Variants in IL11 observed in about 807,000 individuals in gnomAD.
IL11 encodes the protein interleukin 11, also known as interleukin-11.
A neutral mutation model predicts 18.1 loss-of-function variants in IL11; 17 were observed. The observed-to-expected ratio is 0.94, with a 90% CI of 0.64 to 1.41. The LOEUF (loss-of-function observed/expected upper bound fraction) is 1.41. Ranked by LOEUF, IL11 falls within the 40% of genes most tolerant of loss-of-function variation. The probability of loss-of-function intolerance (pLI) is 0.00; values close to 1 mark genes in which losing one functional copy is unlikely to be tolerated. For synonymous variants in IL11, 144 were observed against 134.1 expected (o/e 1.07, Z -0.51); for missense variants, 309 against 262.8 (o/e 1.18, Z -1.22).
chr19:55,369,117 T>C lies in IL11; in HGVS notation c.8-176A>G. Reference sequence around the variant, plus strand: ...AGGTCTGAGGGAGGAAGGCCTGGGGTCTGGACTCCTGGGTCTCGGGGAGGA... The same window carrying C: ...AGGTCTGAGGGAGGAAGGCCTGGGGCCTGGACTCCTGGGTCTCGGGGAGGA... On this transcript the variant is annotated intron_variant, in intron 1 of 4. Transcript: ENST00000264563. This position sits in a 1 kb window ranked among gnomAD's most constrained non-coding sequence, Gnocchi z 6.1. 2.0e-6 allele frequency: 1 copy of C among 506,630 alleles called. No homozygotes were observed. Among genetic ancestry groups the C allele is most frequent in the East Asian group, 3.3e-5 (1 of 30,304 alleles). 31.4% of individuals were successfully genotyped at this position (506,630 alleles called of 1,614,324 possible). A position where few individuals can be genotyped will look rare whatever the true frequency, so the allele number is the denominator to read the frequency against.
In IL11 at chr19:55,366,174, A is replaced by T. The variant is rs901956545; in HGVS notation, c.433T>A (p.Ser145Thr). The change falls in exon 5 of 5, where the codon TCC (serine) becomes ACC (threonine). Residue 145 changes from serine (S) to threonine (T), a missense_variant. Transcript: ENST00000264563. This position sits in a 1 kb window ranked among gnomAD's most constrained non-coding sequence, Gnocchi z 4.6. ...RLLRRLQLLMSRLALPQPPPD... is the reference protein window; with the variant it reads ...RLLRRLQLLMTRLALPQPPPD... ...GGTGGCTGGGGCAGGGCCAGGCGGGACATCTGTGGGGAGAGGAGAGAGGTG... is the reference window on the plus strand; with the variant it reads ...GGTGGCTGGGGCAGGGCCAGGCGGGTCATCTGTGGGGAGAGGAGAGAGGTG... 1.3e-6 allele frequency: 2 copies of T among 1,489,126 alleles called. No individual in the cohort carries two copies. Among genetic ancestry groups the T allele is most frequent in the African/African-American group, 2.8e-5 (2 of 70,216 alleles). The allele number at this position is 1,489,126 out of a possible 1,614,324, so 92.2% of individuals were successfully genotyped here.
rs2123239367 is a variant in IL11, at chr19:55,366,458, G to C, written c.430-281C>G. ...TAGGTGAGGGATCGGGCCTGGGACTGTTAGAGTCGCCGGGGCTGGAATCTC... is the reference window on the plus strand; with the variant it reads ...TAGGTGAGGGATCGGGCCTGGGACTCTTAGAGTCGCCGGGGCTGGAATCTC... On this transcript the variant is annotated intron_variant, in intron 4 of 4. Coordinates refer to ENST00000264563, the MANE Select transcript of IL11 (RefSeq NM_000641.4). This position sits in a 1 kb window ranked among gnomAD's most constrained non-coding sequence, Gnocchi z 4.6. Among the ~76,000 whole-genome samples the C allele has an allele frequency of 6.6e-6, 1 of 152,142 alleles. No homozygotes were observed. The highest frequency in any genetic ancestry group is 2.1e-4 in the South Asian group (1 of 4,816).
chr19:55,367,450 CTTTTTT>C (rs980514763), intron 4 of IL11, among the ~76,000 whole-genome samples: 1 of 69,816 alleles, frequency 1.4e-5, no homozygotes, highest in African/African-American at 5.4e-5. Context: ...TCTTTTCCTT[CTTTTTT>C]TTTTTTTTTT....
rs1044863385 is a variant in IL11 at position 55,366,720 on chromosome 19, G to A, written c.430-543C>T. Among the ~76,000 whole-genome samples, 5 of 152,118 alleles carry A rather than the reference G, an allele frequency of 3.3e-5. No individual in the cohort carries two copies. Among genetic ancestry groups the A allele is most frequent in the Admixed American group, 2.6e-4 (4 of 15,274 alleles). ...CCAGCTACTCAGGAGGCTGAGGCAG[G>A]AGAATCGCTTGAGCCCAGGAGGCGG... On this transcript the variant is annotated intron_variant, in intron 4 of 4. Transcript: ENST00000264563. This position sits in a 1 kb window ranked among gnomAD's most constrained non-coding sequence, Gnocchi z 4.6.
intron 4 of IL11, among the ~76,000 whole-genome samples, chr19:55,367,846 G>A (rs1161810407): frequency 6.6e-6 from 1 of 152,040 alleles, no homozygotes; most frequent in Non-Finnish European, 1.5e-5. Context: ...GCTTCAGGAT[G>A]GGGTCTTGGG....
In IL11 at chr19:55,369,667, C is replaced by T. The variant is rs1227786497; in HGVS notation, c.7+637G>A. 6.8e-6 allele frequency among the ~76,000 whole-genome samples: 1 copy of T among 146,724 alleles called. No individual in the cohort carries two copies. The highest frequency in any genetic ancestry group is 1.5e-5 in the Non-Finnish European group (1 of 65,930). On this transcript the variant is annotated intron_variant, in intron 1 of 4. Coordinates refer to ENST00000264563, the MANE Select transcript of IL11 (RefSeq NM_000641.4). The surrounding 1 kb of genome is among the most constrained non-coding windows in gnomAD (Gnocchi z 6.1). ...GGCGCGGGGGTCCGGAGCTCGCTCC[C>T]CGCAGCCCACCCCGGCCGCCCCGCC...
chr19:55,367,432 C>T (rs1473416636), intron 4 of IL11, among the ~76,000 whole-genome samples: 3 of 145,412 alleles, frequency 2.1e-5, no homozygotes, highest in African/African-American at 7.6e-5. Context: ...TCTGGAGGTC[C>T]ATGGTTTTCT....
In IL11 at chr19:55,369,691, CCCACCCGG is replaced by C. The variant is rs1309132269; in HGVS notation, c.7+605_7+612del. Among the ~76,000 whole-genome samples, 2 of 145,058 alleles carry C rather than the reference CCCACCCGG, an allele frequency of 1.4e-5. No individual in the cohort carries two copies. Among genetic ancestry groups the C allele is most frequent in the Non-Finnish European group, 3.1e-5 (2 of 65,218 alleles). On this transcript the variant is annotated intron_variant, in intron 1 of 4. Transcript: ENST00000264563. The surrounding 1 kb of genome is among the most constrained non-coding windows in gnomAD (Gnocchi z 6.1). ...CCCGCAGCCCACCCCGGCCGCCCCG[CCCACCCGG>C]CCACCCGCCAGCCAATCAGCGCTCC...
rs976300848 is a variant in IL11, at chr19:55,366,357, A to C, written c.430-180T>G. 6.6e-6 allele frequency among the ~76,000 whole-genome samples: 1 copy of C among 150,744 alleles called. No individual in the cohort carries two copies. Among genetic ancestry groups the C allele is most frequent in the African/African-American group, 2.5e-5 (1 of 40,812 alleles). On this transcript the variant is annotated intron_variant, in intron 4 of 4. Transcript: ENST00000264563. This position sits in a 1 kb window ranked among gnomAD's most constrained non-coding sequence, Gnocchi z 4.6. ...GTGGGGTTCCGAAAATGGAGGCTGG[A>C]GTCAGGACGGGCTTCCAGAGCTGAG...
rs748346212 is a variant in IL11, at chr19:55,366,072, C to G, written c.535G>C (p.Gly179Arg). 4 of 1,597,882 alleles carry G rather than the reference C, an allele frequency of 2.5e-6. No homozygotes were observed. Among genetic ancestry groups the G allele is most frequent in the South Asian group, 1.1e-5 (1 of 88,356 alleles). Residue 179 changes from glycine to arginine, a missense_variant, in exon 5 of 5, where the codon GGG (glycine) becomes CGG (arginine). Physicochemically the swap from Gly to Arg is moderately radical, Grantham distance 125 (BLOSUM62 -2). Coordinates refer to ENST00000264563, the MANE Select transcript of IL11 (RefSeq NM_000641.4). This position sits in a 1 kb window ranked among gnomAD's most constrained non-coding sequence, Gnocchi z 4.6. ...CAGTCAAGTGTCAGGTGCAGCCCCC[C>G]CAGGATGGCGTGGGCGGCCCTGATG... ...GGIRAAHAIL[G>R]GLHLTLDWAV...
In IL11 at chr19:55,364,438, C is replaced by G. The variant is rs1396635936; in HGVS notation, c.*1569G>C. 1 of 152,212 alleles carries G rather than the reference C, an allele frequency of 6.6e-6. No homozygotes were observed. The highest frequency in any genetic ancestry group is 1.5e-5 in the Non-Finnish European group (1 of 68,038). 9.4% of individuals were successfully genotyped at this position (152,212 alleles called of 1,614,324 possible). ...TTTAAAATGTGTCATGCAAAATACA[C>G]AGTCATGGCAGAAATTCTGTAAAAT... On this transcript the variant is annotated 3_prime_UTR_variant, in exon 5 of 5. Transcript: ENST00000264563.
At position 55,366,013 on chromosome 19, in the gene IL11, C is replaced by T; in HGVS notation, c.594G>A (p.Arg198=). Residue 198 remains arginine, a synonymous_variant, in exon 5 of 5, where the codon CGG becomes CGA. Transcript: ENST00000264563. This position sits in a 1 kb window ranked among gnomAD's most constrained non-coding sequence, Gnocchi z 4.6. ...AVRGLLLLKT[R]L ...GGTGGCTTTGGGCCCCGGGTCACAGCCGAGTCTTCAGCAGCAGCAGTCCCC... is the reference window on the plus strand; with the variant it reads ...GGTGGCTTTGGGCCCCGGGTCACAGTCGAGTCTTCAGCAGCAGCAGTCCCC... 1 of 1,602,802 alleles carries T rather than the reference C, an allele frequency of 6.2e-7. No individual in the cohort carries two copies. The highest frequency in any genetic ancestry group is 1.1e-5 in the South Asian group (1 of 88,942).
chr19:55,367,526 T>C (rs1488674223), intron 4 of IL11, among the ~76,000 whole-genome samples: 1 of 141,652 alleles, frequency 7.1e-6, no homozygotes, highest in Non-Finnish European at 1.5e-5. Flanking sequence ...AATGGTGCGA[T>C]CTCGGCTCAC....
chr19:55,367,450 CTTT>C (rs980514763), intron 4 of IL11, among the ~76,000 whole-genome samples: 3 of 69,816 alleles, frequency 4.3e-5, no homozygotes, highest in Admixed American at 2.1e-4. Flanking sequence ...TCTTTTCCTT[CTTT>C]TTTTTTTTTT....
intron 4 of IL11, 84 bp downstream of exon 4, chr19:55,368,126 T>A: frequency 8.1e-7 from 1 of 1,232,572 alleles, no homozygotes; most frequent in Admixed American, 2.5e-5. Context: ...GGGTCTGGGG[T>A]CTCAGGCTTC....
In IL11 at chr19:55,368,789, G is replaced by A. The variant is rs1179409079; in HGVS notation, c.160C>T (p.Arg54Trp). The A allele has an allele frequency of 2.5e-5, 39 of 1,588,416 alleles. No homozygotes were observed. The highest frequency in any genetic ancestry group is 4.5e-5 in the East Asian group (2 of 44,058). Residue 54 changes from arginine (R) to tryptophan (W), a missense_variant, in exon 2 of 5, where the codon CGG (arginine) becomes TGG (tryptophan). Arg to Trp is a moderately radical substitution (Grantham distance 101, BLOSUM62 -3). Transcript: ENST00000264563. Reference protein sequence around the residue: ...LLTRSLLADTRQLAAQLRDKF... With the variant: ...LLTRSLLADTWQLAAQLRDKF... ...CCTACCAGCTGTGCAGCCAGCTGCC[G>A]CGTGTCCGCCAGGAGAGAGCGGGTC...
Position 55,368,245 on chromosome 19 carries a change from G to T in IL11, c.394C>A (p.Arg132=). ...AGCCGGCGCAGCAGCCGGTCCAGTC[G>T]GGCCTGCAGGGTGCCCAGCTCGGGC... is the stretch of plus-strand genomic sequence containing the variant. ...LEPELGTLQA[R]LDRLLRRLQL... The change falls in exon 4 of 5, where the codon CGA becomes AGA. Residue 132 remains arginine, a synonymous_variant. Transcript: ENST00000264563. The T allele has an allele frequency of 6.5e-7, 1 of 1,543,860 alleles. No homozygotes were observed.
At position 55,368,946 on chromosome 19, in the gene IL11, G is replaced by T. The variant is rs2123243276; in HGVS notation, c.8-5C>A. 1.0e-5 allele frequency: 15 copies of T among 1,501,348 alleles called. No homozygotes were observed. The highest frequency in any genetic ancestry group is 1.3e-5 in the Non-Finnish European group (15 of 1,119,194). 93.0% of individuals were successfully genotyped at this position (1,501,348 alleles called of 1,614,324 possible). ...CCAGGACCAGGCGGCAAACACCTGG[G>T]GGCAGGATAAGGCAGAGAGCTCAGG... On this transcript the variant is annotated splice_polypyrimidine_tract_variant and splice_region_variant and intron_variant, in intron 1 of 4. Transcript: ENST00000264563.
chr19:55,366,508 C>T lies in IL11; in HGVS notation c.430-331G>A, dbSNP rs2089787074. Among the ~76,000 whole-genome samples, 1 of 151,948 alleles carries T rather than the reference C, an allele frequency of 6.6e-6. No individual in the cohort carries two copies. The highest frequency in any genetic ancestry group is 6.6e-5 in the Admixed American group (1 of 15,260). ...CAGAGCTGGGTTTTTGTTGTTGTGG[C>T]TGCTGTTAGAACAATTAAGAAGCCA... is the stretch of plus-strand genomic sequence containing the variant. On this transcript the variant is annotated intron_variant, in intron 4 of 4. Transcript: ENST00000264563. This position sits in a 1 kb window ranked among gnomAD's most constrained non-coding sequence, Gnocchi z 4.6.
Sources: allele counts gnomAD v4.1 joint callset (sites outside exome capture counted in the v4.1 genomes callset), GRCh38; gene constraint gnomAD v4.1.1; non-coding constraint Gnocchi (gnomAD v3.1); transcripts MANE v1.5; gene names NCBI Gene and HGNC (gene_info 2026-07-23, HGNC 2026-07-21).